The following ARHGAP42 variants were observed in gnomAD, a reference collection of about 807,000 sequenced individuals.
ARHGAP42 encodes the protein Rho GTPase activating protein 42.
ARHGAP42 carries 63 observed loss-of-function variants against 125.0 expected under a neutral mutation model. The observed-to-expected ratio is 0.50, with a 90% CI of 0.41 to 0.62. The LOEUF is 0.62. ARHGAP42 is among the 20% of genes least tolerant of loss of function. The pLI is 0.00. For synonymous variants in ARHGAP42, 339 were observed against 351.0 expected (o/e 0.97, Z 0.38); for missense variants, 766 against 1,024.2 (o/e 0.75, Z 3.44).
chr11:100,982,085 C>T (rs1456578162), intron 22 of ARHGAP42, among the ~76,000 whole-genome samples: 1 of 152,102 alleles, frequency 6.6e-6, no homozygotes, highest in Non-Finnish European at 1.5e-5. Context: ...AGCAAGGAGG[C>T]TTACTAAATG....
intron 22 of ARHGAP42, among the ~76,000 whole-genome samples, chr11:100,981,870 A>G (rs61890561): frequency 0.02 from 3,009 of 152,296 alleles, 51 homozygotes; most frequent in Middle Eastern, 0.058. Flanking sequence ...AGTGTTGGAA[A>G]GAATGGTGGT....
chr11:100,736,711 A>AAGGATCTTGAC (rs1248290289), intron 1 of ARHGAP42, among the ~76,000 whole-genome samples: 5 of 152,342 alleles, frequency 3.3e-5, no homozygotes, highest in African/African-American at 1.2e-4. Flanking sequence ...ATTTCTCCGA[A>AAGGATCTTGAC]AGGATCTTGA....
At chr11:100,776,171 A>AT (rs72519071) in intron 2 of ARHGAP42, among the ~76,000 whole-genome samples, 11,186 of 151,832 alleles carry the variant, frequency 0.074, 531 homozygotes, top group Middle Eastern at 0.11. Flanking sequence ...AAAAAAAAAA[A>AT]AGTTAGATAT....
rs976510949 is a variant in ARHGAP42 at position 100,976,876 on chromosome 11, C to T, written c.2298C>T (p.Pro766=). 6.4e-7 allele frequency: 1 copy of T among 1,551,394 alleles called. No individual in the cohort carries two copies. Among genetic ancestry groups the T allele is most frequent in the African/African-American group, 1.4e-5 (1 of 73,016 alleles). The change falls in exon 21 of 24, where the codon CCC becomes CCT. Residue 766 remains proline (P), a synonymous_variant. Transcript: ENST00000298815. ...CTTCTGTAGGTTCCAAGGAGACACC[C>T]AAAGCTTCACCAAACCCAGACCTGC... ...SLTSVGSKET[P]KASPNPDLPP... is the part of the protein sequence containing the mutation.
intron 3 of ARHGAP42, among the ~76,000 whole-genome samples, chr11:100,854,261 A>G (rs565843984): frequency 6.6e-6 from 1 of 152,298 alleles, no homozygotes; most frequent in African/African-American, 2.4e-5. Flanking sequence ...TTTTCCCAAT[A>G]TATTTCCATA....
At chr11:100,965,603 A>G in intron 16 of ARHGAP42, 68 bp from the exon 17 acceptor site, 2 of 1,262,192 alleles carry the variant, frequency 1.6e-6, no homozygotes, top group Non-Finnish European at 2.3e-6. Context: ...TGATTAGATT[A>G]CTAATGTTTA....
chr11:100,766,738 T>G (rs1046503353), intron 1 of ARHGAP42, among the ~76,000 whole-genome samples: 2 of 152,222 alleles, frequency 1.3e-5, no homozygotes, highest in African/African-American at 4.8e-5. Context: ...CTTGATGGTT[T>G]TTTTGACCTC....
intron 4 of ARHGAP42, among the ~76,000 whole-genome samples, chr11:100,890,121 C>T (rs150313883): frequency 1.1e-3 from 165 of 152,296 alleles, no homozygotes; most frequent in African/African-American, 3.8e-3. Flanking sequence ...GAGCAGGCAT[C>T]CAGATGACAG....
Position 100,987,374 on chromosome 11 carries a change from T to C in ARHGAP42, c.2457-139T>C, listed in dbSNP as rs985006052. ...TTGTGTTCAGTGCAAAAAGCACCGATGTACACTCATATATGCACTTTATGT... is the reference window on the plus strand; with the variant it reads ...TTGTGTTCAGTGCAAAAAGCACCGACGTACACTCATATATGCACTTTATGT... On this transcript the variant is annotated intron_variant, in intron 22 of 23. Transcript: ENST00000298815. The C allele has an allele frequency of 7.3e-5, 49 of 670,400 alleles. 1 individual carries two copies. In the Middle Eastern group the frequency reaches 1.8e-3, roughly 24 times the overall value. The allele number at this position is 670,400 out of a possible 1,614,324, so 41.5% of individuals were successfully genotyped here. A position where few individuals can be genotyped will look rare whatever the true frequency, so the allele number is the denominator to read the frequency against.
At chr11:100,888,447 A>G (rs1866145576) in intron 4 of ARHGAP42, among the ~76,000 whole-genome samples, 1 of 152,018 alleles carries the variant, frequency 6.6e-6, no homozygotes, top group Admixed American at 6.6e-5. Flanking sequence ...GGATATGGGG[A>G]TGTGTATGTG....
At chr11:100,863,486 A>G (rs747329254) in intron 4 of ARHGAP42, among the ~76,000 whole-genome samples, 2 of 152,120 alleles carry the variant, frequency 1.3e-5, no homozygotes, top group Non-Finnish European at 2.9e-5. Context: ...GACCACAAAC[A>G]TTTCCTTTGT....
chr11:100,919,661 C>G (rs1867179750), intron 5 of ARHGAP42, among the ~76,000 whole-genome samples: 1 of 152,086 alleles, frequency 6.6e-6, no homozygotes, highest in Non-Finnish European at 1.5e-5. Flanking sequence ...GTTGGCCTCT[C>G]AAAGTGCTGG....
chr11:100,778,985 C>T (rs1863200961), intron 2 of ARHGAP42, among the ~76,000 whole-genome samples: 1 of 152,060 alleles, frequency 6.6e-6, no homozygotes, highest in Admixed American at 6.6e-5. Flanking sequence ...TCTTTGAGGT[C>T]TGAAAGTTTT....
intron 3 of ARHGAP42, among the ~76,000 whole-genome samples, chr11:100,845,955 T>G (rs1865056976): frequency 6.6e-6 from 1 of 152,182 alleles, no homozygotes; most frequent in Admixed American, 6.6e-5. Flanking sequence ...GCTTATTTAT[T>G]TCTAATAAAT....
chr11:100,722,200 A>T (rs1254548806), intron 1 of ARHGAP42, among the ~76,000 whole-genome samples: 1 of 152,142 alleles, frequency 6.6e-6, no homozygotes, highest in Non-Finnish European at 1.5e-5. Flanking sequence ...GACATATAAC[A>T]TTGAGCATCT....
At chr11:100,934,125 T>C (rs1351818490) in intron 7 of ARHGAP42, among the ~76,000 whole-genome samples, 1 of 152,212 alleles carries the variant, frequency 6.6e-6, no homozygotes, top group East Asian at 1.9e-4. Context: ...TTTCTTTATT[T>C]GTGAAATGAA....
rs1463970100 is a variant in ARHGAP42, at chr11:100,976,969, A to G, written c.2391A>G (p.Ser797=). ...ASSNGYQRPG[S]VVAAKAQLFE... ...GCAATGGCTATCAGCGGCCTGGCTC[A>G]GTGTAAGTGAGCGTTTGTATATTTG... Residue 797 remains serine (S), a splice_region_variant and synonymous_variant, in exon 21 of 24, where the codon TCA becomes TCG. Transcript: ENST00000298815. 5 of 1,551,154 alleles carry G rather than the reference A, an allele frequency of 3.2e-6. No homozygotes were observed. The Admixed American group carries it at 9.8e-5, about 30-fold the overall frequency.
intron 4 of ARHGAP42, among the ~76,000 whole-genome samples, chr11:100,908,357 T>G (rs965630224): frequency 3.0e-4 from 45 of 152,310 alleles, no homozygotes; most frequent in African/African-American, 1.1e-3. Context: ...ACCTGAATAG[T>G]GTTCATTGTA....
chr11:100,913,903 G>A (rs1421481764), intron 5 of ARHGAP42, among the ~76,000 whole-genome samples: 3 of 152,066 alleles, frequency 2.0e-5, no homozygotes, highest in African/African-American at 4.8e-5. Context: ...CAGCGTTGTG[G>A]GAAAGATAGA....
Sources: gnomAD v4.1 joint callset for allele counts (sites outside exome capture counted in the v4.1 genomes callset) on GRCh38, gnomAD v4.1.1 for gene constraint, MANE v1.5 for transcripts, NCBI Gene and HGNC (gene_info 2026-07-23, HGNC 2026-07-21) for gene names.